Variants in SNTG2 observed in about 807,000 individuals in gnomAD.
SNTG2 encodes syntrophin gamma 2.
SNTG2 carries 74 observed loss-of-function variants against 70.9 expected under a neutral mutation model. The observed-to-expected ratio is 1.04, with a 90% confidence interval of 0.86 to 1.27. The LOEUF (loss-of-function observed/expected upper bound fraction) is 1.27. SNTG2 is among the 50% of genes most tolerant of loss of function. The pLI, the probability that SNTG2 is intolerant of heterozygous loss-of-function variation, is 0.00. For missense variants in SNTG2, 717 were observed against 690.7 expected (o/e 1.04, Z -0.43); for synonymous variants, 278 against 273.8 (o/e 1.02, Z -0.15).
At chr2:1,201,967 AG>A (rs1673302066) in intron 8 of SNTG2, among the ~76,000 whole-genome samples, 3 of 152,072 alleles carry the variant, frequency 2.0e-5, no homozygotes, top group Non-Finnish European at 4.4e-5. Context: ...GAGAAGGTTT[AG>A]GAAGCAGCCA....
intron 9 of SNTG2, among the ~76,000 whole-genome samples, chr2:1,229,713 G>T (rs890805189): frequency 6.6e-6 from 1 of 152,232 alleles, no homozygotes. Context: ...AGGCTCAGGC[G>T]TGGCGGGCTG....
intron 16 of SNTG2, among the ~76,000 whole-genome samples, chr2:1,318,368 C>A: frequency 6.6e-6 from 1 of 152,210 alleles, no homozygotes; most frequent in East Asian, 1.9e-4. Flanking sequence ...CAACTTTGAT[C>A]CTCTCTTCAT....
chr2:1,152,992 C>T (rs1291982252), intron 6 of SNTG2, among the ~76,000 whole-genome samples: 2 of 152,036 alleles, frequency 1.3e-5, no homozygotes, highest in Admixed American at 6.6e-5. Flanking sequence ...GGTGTGGTGG[C>T]GGGCGCCTGT....
At chr2:962,445 A>G (rs13426609) in intron 1 of SNTG2, among the ~76,000 whole-genome samples, 94,922 of 151,852 alleles carry the variant, frequency 0.63, 30,614 homozygotes, top group Non-Finnish European at 0.68. Flanking sequence ...TCTGCCTTGC[A>G]CCTTTTCTTT....
chr2:1,218,165 C>T (rs1172122828), intron 9 of SNTG2, among the ~76,000 whole-genome samples: 1 of 152,092 alleles, frequency 6.6e-6, no homozygotes, highest in African/African-American at 2.4e-5. Context: ...ACCCCATAAG[C>T]CTCCAATCTA....
rs556255506 is a variant in SNTG2, at chr2:1,043,629, A to G, written c.73-39889A>G. The stretch of plus-strand genomic sequence containing the variant: ...GAGGTCCAGTTTCAATCTTCTGCAT[A>G]TGGCTAGCCAGTTATCCCAGCACGA... On this transcript the variant is annotated intron_variant, in intron 1 of 16. Transcript: ENST00000308624. Among the ~76,000 whole-genome samples the G allele has an allele frequency of 3.9e-5, 6 of 152,268 alleles. 2 individuals are homozygous for G. In the South Asian group the frequency reaches 1.2e-3, roughly 32 times the overall value.
intron 2 of SNTG2, among the ~76,000 whole-genome samples, chr2:1,093,524 T>C (rs1354233290): frequency 6.6e-6 from 1 of 152,234 alleles, no homozygotes; most frequent in East Asian, 1.9e-4. Flanking sequence ...AAAAGTAAAG[T>C]TCCTAGATAT....
chr2:1,219,015 A>G (rs1352068288), intron 9 of SNTG2, among the ~76,000 whole-genome samples: 2 of 152,204 alleles, frequency 1.3e-5, no homozygotes, highest in African/African-American at 4.8e-5. Flanking sequence ...ATGTTGAAAT[A>G]TAATCCCCAG....
At chr2:1,283,113 C>T (rs1227145147) in intron 14 of SNTG2, among the ~76,000 whole-genome samples, 2 of 152,162 alleles carry the variant, frequency 1.3e-5, no homozygotes, top group African/African-American at 4.8e-5. Flanking sequence ...AGCCTGGCTG[C>T]AGCCATGGAC....
chr2:1,022,216 G>A (rs1248760636), intron 1 of SNTG2, among the ~76,000 whole-genome samples: 2 of 152,052 alleles, frequency 1.3e-5, no homozygotes, highest in Non-Finnish European at 2.9e-5. Context: ...CTAGGTTCTT[G>A]CAAGTCCCTG....
chr2:1,155,172 C>CACACACACACACACACACA (rs1553340385), intron 6 of SNTG2, among the ~76,000 whole-genome samples: 5 of 25,972 alleles, frequency 1.9e-4, no homozygotes, highest in Admixed American at 9.4e-4. Context: ...CACGTAGACC[C>CACACACACACACACACACA]CCCCCCCACA....
rs569698710 is a variant in SNTG2, at chr2:1,229,264, T to C, written c.720-8624T>C. Among the ~76,000 whole-genome samples the C allele has an allele frequency of 1.8e-4, 27 of 152,240 alleles. No individual in the cohort carries two copies. In the South Asian group the frequency reaches 5.2e-3, roughly 29 times the overall value. ...TTGACAGGGTGCTGATTGGTGCGTT[T>C]ACAATCCCTGAGCTAGATACAAAGG... On this transcript the variant is annotated intron_variant, in intron 9 of 16. Transcript: ENST00000308624.
chr2:987,148 A>G (rs1020940611), intron 1 of SNTG2, among the ~76,000 whole-genome samples: 3 of 152,208 alleles, frequency 2.0e-5, no homozygotes, highest in Admixed American at 2.0e-4. Context: ...AGGTGATAAA[A>G]GGTGGAATGC....
intron 16 of SNTG2, among the ~76,000 whole-genome samples, chr2:1,321,067 C>T (rs1479659716): frequency 6.6e-6 from 1 of 152,176 alleles, no homozygotes; most frequent in East Asian, 1.9e-4. Context: ...AAAGAAACTG[C>T]CAAATATACT....
intron 16 of SNTG2, among the ~76,000 whole-genome samples, chr2:1,357,058 T>A (rs1365346147): frequency 6.6e-6 from 1 of 152,148 alleles, no homozygotes; most frequent in African/African-American, 2.4e-5. Flanking sequence ...TTAGTTCTAA[T>A]TTTTTAGTGG....
chr2:1,145,042 A>G (rs1669008718), intron 6 of SNTG2, among the ~76,000 whole-genome samples: 1 of 152,248 alleles, frequency 6.6e-6, no homozygotes, highest in African/African-American at 2.4e-5. Flanking sequence ...AATACAACTT[A>G]TCAAAATTTG....
At chr2:1,286,644 T>C (rs1679777605) in intron 14 of SNTG2, among the ~76,000 whole-genome samples, 2 of 152,184 alleles carry the variant, frequency 1.3e-5, no homozygotes, top group Admixed American at 1.3e-4. Context: ...TTAGAGTAAG[T>C]GTCCATTCCA....
At chr2:1,078,768 C>T (rs1664089361) in intron 1 of SNTG2, among the ~76,000 whole-genome samples, 1 of 151,888 alleles carries the variant, frequency 6.6e-6, no homozygotes, top group African/African-American at 2.4e-5. Context: ...AGTAAAGCAG[C>T]TTTGAAGGCA....
At chr2:1,207,605 A>G (rs4477953) in intron 8 of SNTG2, among the ~76,000 whole-genome samples, 49,308 of 152,086 alleles carry the variant, frequency 0.32, 8,543 homozygotes, top group East Asian at 0.66. Flanking sequence ...GGGCTTATAT[A>G]TTAGCACAGA....
Sources: gnomAD v4.1 joint callset for allele counts (sites outside exome capture counted in the v4.1 genomes callset) on GRCh38, gnomAD v4.1.1 for gene constraint, MANE v1.5 for transcripts, NCBI Gene and HGNC (gene_info 2026-07-23, HGNC 2026-07-21) for gene names.